NCEH1: variants seen among roughly 807,000 people sequenced by gnomAD.
NCEH1 encodes 2-acetyl MAGE hydrolase.
Under a neutral mutation model 25.4 loss-of-function variants are expected in NCEH1, and 9 were observed. The ratio of observed to expected loss-of-function variants is 0.35; its 90% CI spans 0.21 to 0.62. NCEH1 has a LOEUF of 0.62. Ranked by LOEUF, NCEH1 falls within the 20% of genes least tolerant of loss-of-function variation. The pLI is 0.72. For missense variants in NCEH1, 412 were observed against 501.1 expected (o/e 0.82, Z 1.70); for synonymous variants, 200 against 199.8 (o/e 1.00, Z -0.01).
chr3:172,675,137 C>G (rs1711893902), intron 1 of NCEH1, among the ~76,000 whole-genome samples: 1 of 152,084 alleles, frequency 6.6e-6, no homozygotes, highest in East Asian at 1.9e-4. Context: ...TGGTGAAACC[C>G]CAGCTCTACC....
At chr3:172,696,157 G>T (rs150834566) in intron 1 of NCEH1, among the ~76,000 whole-genome samples, 11 of 152,210 alleles carry the variant, frequency 7.2e-5, no homozygotes, top group African/African-American at 2.4e-4. Flanking sequence ...TATAAGCCTT[G>T]AAGGAGGTAC....
At chr3:172,662,019 TGA>T (rs1310559488) in intron 1 of NCEH1, among the ~76,000 whole-genome samples, 4 of 133,478 alleles carry the variant, frequency 3.0e-5, no homozygotes, top group South Asian at 4.6e-4. Flanking sequence ...ATAGGAGTGG[TGA>T]GAGAGGGCAT....
At chr3:172,673,200 G>A (rs1399485715) in intron 1 of NCEH1, among the ~76,000 whole-genome samples, 1 of 152,182 alleles carries the variant, frequency 6.6e-6, no homozygotes, top group Non-Finnish European at 1.5e-5. Context: ...TTGTGGTTAG[G>A]AGGACCTATT....
rs1231042272 is a variant in NCEH1 at position 172,636,073 on chromosome 3, G to C, written c.452C>G (p.Pro151Arg). 6.2e-7 allele frequency: 1 copy of C among 1,613,098 alleles called. No individual in the cohort carries two copies. Among genetic ancestry groups the C allele is most frequent in the Non-Finnish European group, 8.5e-7 (1 of 1,179,434 alleles). ...AATTTGCTCAGGAAAATAAACCTTT[G>C]GAACTAGCCTGTATCTGTAAAAACA... ...VIVSIEYRLV[P>R]KVYFPEQIHD... Residue 151 changes from proline (P) to arginine (R), a missense_variant, in exon 4 of 5, where the codon CCA becomes CGA. Physicochemically the swap from Pro to Arg is moderately radical, Grantham distance 103. Transcript: ENST00000475381.
chr3:172,647,725 A>G (rs1717185076), intron 2 of NCEH1, 161 bp downstream of exon 2: 3 of 834,500 alleles, frequency 3.6e-6, no homozygotes, highest in Admixed American at 5.5e-5. Context: ...AAAAGGGGGC[A>G]CTAGTCATAA....
chr3:172,689,973 G>T (rs1004721953), intron 1 of NCEH1, among the ~76,000 whole-genome samples: 1 of 147,360 alleles, frequency 6.8e-6, no homozygotes, highest in Non-Finnish European at 1.5e-5. Flanking sequence ...GCACGATCTC[G>T]GCTCACTGCA....
At chr3:172,642,661 C>A (rs536174033) in intron 3 of NCEH1, among the ~76,000 whole-genome samples, 68 of 148,336 alleles carry the variant, frequency 4.6e-4, no homozygotes, top group African/African-American at 1.5e-3. Context: ...TCCAAACATG[C>A]TGATAAATAA....
intron 1 of NCEH1, among the ~76,000 whole-genome samples, chr3:172,649,345 A>C (rs957628162): frequency 2.0e-5 from 3 of 152,224 alleles, no homozygotes; most frequent in Non-Finnish European, 2.9e-5. Flanking sequence ...AAACAAGAAC[A>C]AGAGGCAGTT....
chr3:172,630,973 GATT>G lies in NCEH1; in HGVS notation c.*2499_*2501del, dbSNP rs917942543. 16 of 150,182 alleles carry G rather than the reference GATT, an allele frequency of 1.1e-4. No homozygotes were observed. Among genetic ancestry groups the G allele is most frequent in the Admixed American group, 8.6e-4 (13 of 15,146 alleles). 9.3% of individuals were successfully genotyped at this position (150,182 alleles called of 1,614,324 possible). A position where few individuals can be genotyped will look rare whatever the true frequency, so the allele number is the denominator to read the frequency against. The stretch of plus-strand genomic sequence containing the variant: ...TATTTCACAGACAATTTTACAAAAA[GATT>G]ATCATTTTTTTCATAAAATAGGAAA... On this transcript the variant is annotated 3_prime_UTR_variant, in exon 5 of 5. Coordinates refer to ENST00000475381, the MANE Select transcript of NCEH1 (RefSeq NM_020792.6).
intron 1 of NCEH1, among the ~76,000 whole-genome samples, chr3:172,705,709 ATTT>A (rs1206187422): frequency 1.3e-5 from 2 of 152,014 alleles, no homozygotes; most frequent in Non-Finnish European, 2.9e-5. Flanking sequence ...ATAAAACCCT[ATTT>A]TTGGCTGGGC....
At chr3:172,667,696 ACTT>A (rs1718287034) in intron 1 of NCEH1, among the ~76,000 whole-genome samples, 1 of 152,280 alleles carries the variant, frequency 6.6e-6, no homozygotes, top group East Asian at 1.9e-4. Flanking sequence ...TTTTATTCTC[ACTT>A]CTTTTTCTAG....
In NCEH1 at chr3:172,633,336, T is replaced by A. The variant is rs769950709; in HGVS notation, c.*139A>T. On this transcript the variant is annotated 3_prime_UTR_variant, in exon 5 of 5. Transcript: ENST00000475381. ...TAAAAATTAGGTTATCATAAAGACT[T>A]CAGTTATGGAATAGAAATTCCATAA... 20 of 814,488 alleles carry A rather than the reference T, an allele frequency of 2.5e-5. No homozygotes were observed. Among genetic ancestry groups the A allele is most frequent in the Non-Finnish European group, 3.9e-5 (20 of 511,932 alleles). The allele number at this position is 814,488 out of a possible 1,614,324, so 50.5% of individuals were successfully genotyped here.
chr3:172,675,335 A>AATTAATTAATT (rs1560197091), intron 1 of NCEH1, among the ~76,000 whole-genome samples: 1 of 137,638 alleles, frequency 7.3e-6, no homozygotes, highest in East Asian at 2.0e-4. Context: ...ATAAATAAAT[A>AATTAATTAATT]AATAAATGAT....
chr3:172,670,743 T>A (rs1293608818), intron 1 of NCEH1, among the ~76,000 whole-genome samples: 1 of 152,230 alleles, frequency 6.6e-6, no homozygotes, highest in Non-Finnish European at 1.5e-5. Flanking sequence ...TTCCGTTTTA[T>A]ATGGGGTTTT....
At chr3:172,676,510 AT>A (rs1712015883) in intron 1 of NCEH1, among the ~76,000 whole-genome samples, 1 of 152,160 alleles carries the variant, frequency 6.6e-6, no homozygotes, top group Non-Finnish European at 1.5e-5. Flanking sequence ...GGTCAAACCA[AT>A]CCCCTGGGCC....
chr3:172,638,686 CTG>C (rs1305174740), intron 3 of NCEH1, among the ~76,000 whole-genome samples: 3 of 152,166 alleles, frequency 2.0e-5, no homozygotes, highest in African/African-American at 7.2e-5. Context: ...TCACAATAAA[CTG>C]TTTTCCTGGT....
At chr3:172,645,729 G>A (rs375838974) in intron 2 of NCEH1, 37 bp from the exon 3 acceptor site, 3 of 1,322,134 alleles carry the variant, frequency 2.3e-6, no homozygotes, top group Non-Finnish European at 3.2e-6. Flanking sequence ...TACAAAACAG[G>A]TCATTTAATA....
At chr3:172,652,133 G>A (rs1474868760) in intron 1 of NCEH1, among the ~76,000 whole-genome samples, 1 of 152,216 alleles carries the variant, frequency 6.6e-6, no homozygotes, top group Non-Finnish European at 1.5e-5. Flanking sequence ...CCTTAGGGAA[G>A]AGTAGATGCA....
At position 172,634,001 on chromosome 3, in the gene NCEH1, T is replaced by C. The variant is rs749906810; in HGVS notation, c.701A>G (p.Tyr234Cys). The part of the protein sequence containing the change: ...LQALDFNTPS[Y>C]QQNVNTPILP... ...GATTGGGGTGTTCACATTTTGCTGATAAGATGGTGTGTTAAAATCTAAAGC... is the reference window on the plus strand; with the variant it reads ...GATTGGGGTGTTCACATTTTGCTGACAAGATGGTGTGTTAAAATCTAAAGC... The change falls in exon 5 of 5, where the codon TAT becomes TGT. Residue 234 changes from tyrosine (Y) to cysteine (C), a missense_variant. Physicochemically the swap from Tyr to Cys is radical, Grantham distance 194. Around this residue, in one of 3 missense-constraint regions of NCEH1, gnomAD observed 210 missense variants for 258.2 expected, o/e 0.81. Coordinates refer to ENST00000475381, the MANE Select transcript of NCEH1 (RefSeq NM_020792.6). 6.2e-7 allele frequency: 1 copy of C among 1,614,228 alleles called. No homozygotes were observed. The highest frequency in any genetic ancestry group is 2.2e-5 in the East Asian group (1 of 44,890).
Sources: gnomAD v4.1 joint callset for allele counts (sites outside exome capture counted in the v4.1 genomes callset) on GRCh38, gnomAD v4.1.1 for gene constraint, gnomAD v4.1.1 regional missense constraint, MANE v1.5 for transcripts, NCBI Gene and HGNC (gene_info 2026-07-23, HGNC 2026-07-21) for gene names.